GHR: variants seen among roughly 807,000 people sequenced by gnomAD.
The protein encoded by GHR is growth hormone receptor.
In GHR, 35 loss-of-function variants were observed where a neutral mutation model predicts 67.1. That is an observed-to-expected ratio of 0.52 (90% CI 0.40 to 0.69). GHR has a LOEUF of 0.69. Among genes scored for constraint, GHR ranks in the 30% least tolerant of loss-of-function variants. The pLI is 0.00. For missense variants in GHR, 792 were observed against 764.6 expected (o/e 1.04, Z -0.42); for synonymous variants, 272 against 269.1 (o/e 1.01, Z -0.10).
intron 1 of GHR, among the ~76,000 whole-genome samples, chr5:42,429,479 T>C (rs1427283874): frequency 6.6e-6 from 1 of 152,246 alleles, no homozygotes; most frequent in Non-Finnish European, 1.5e-5. Flanking sequence ...GAACATTCTA[T>C]ATCTATTAAG....
chr5:42,635,066 C>T (rs1754112015), intron 3 of GHR, among the ~76,000 whole-genome samples: 1 of 151,574 alleles, frequency 6.6e-6, no homozygotes, highest in South Asian at 2.1e-4. Flanking sequence ...ATACTGGGTT[C>T]TGACATGGAA....
chr5:42,505,261 C>T (rs1296826151), intron 1 of GHR, among the ~76,000 whole-genome samples: 4 of 150,906 alleles, frequency 2.7e-5, no homozygotes, highest in Non-Finnish European at 5.9e-5. Context: ...AATTCTATTT[C>T]TTAAACTGAG....
intron 3 of GHR, among the ~76,000 whole-genome samples, chr5:42,647,263 T>C (rs555213183): frequency 1.4e-4 from 21 of 152,106 alleles, no homozygotes; most frequent in Non-Finnish European, 2.8e-4. Context: ...ACTGAGAGCT[T>C]TGTGCAATGA....
At chr5:42,580,719 G>GT (rs979334266) in intron 2 of GHR, among the ~76,000 whole-genome samples, 3 of 152,108 alleles carry the variant, frequency 2.0e-5, no homozygotes, top group Non-Finnish European at 4.4e-5. Flanking sequence ...TCTCTAGTGT[G>GT]TTTTTCTCAA....
rs908182375 is a variant in GHR at position 42,668,054 on chromosome 5, T to C, written c.137-20836T>C. Reference sequence around the variant, plus strand: ...ATCTTCAAGGTAGATCCAAATATCATGTCATTTTTATAATTCTCACTGCAC... The same window carrying C: ...ATCTTCAAGGTAGATCCAAATATCACGTCATTTTTATAATTCTCACTGCAC... On this transcript the variant is annotated intron_variant, in intron 3 of 9. Transcript: ENST00000230882. Among the ~76,000 whole-genome samples, 9 of 152,210 alleles carry C rather than the reference T, an allele frequency of 5.9e-5. No individual in the cohort carries two copies. The East Asian group carries it at 1.7e-3, about 29-fold the overall frequency.
At chr5:42,513,847 G>A (rs1458706872) in intron 1 of GHR, among the ~76,000 whole-genome samples, 1 of 151,950 alleles carries the variant, frequency 6.6e-6, no homozygotes, top group African/African-American at 2.4e-5. Context: ...GATTATCTGT[G>A]ATGTTAGCTC....
chr5:42,466,743 G>A, intron 1 of GHR: 1 of 495,894 alleles, frequency 2.0e-6, no homozygotes. Context: ...TTTATCTTGT[G>A]TTTTGTGCTG....
At chr5:42,624,743 A>G (rs1357403718) in intron 2 of GHR, among the ~76,000 whole-genome samples, 2 of 152,210 alleles carry the variant, frequency 1.3e-5, no homozygotes, top group Non-Finnish European at 2.9e-5. Context: ...AACTTACTGA[A>G]CCTTGACCAA....
intron 2 of GHR, among the ~76,000 whole-genome samples, chr5:42,615,961 T>G (rs1264054222): frequency 6.6e-6 from 1 of 152,104 alleles, no homozygotes; most frequent in Non-Finnish European, 1.5e-5. Context: ...CTAGAATTTT[T>G]TAGAAGTCAT....
intron 8 of GHR, among the ~76,000 whole-genome samples, chr5:42,715,482 G>A (rs1355069128): frequency 6.6e-6 from 1 of 152,052 alleles, no homozygotes; most frequent in African/African-American, 2.4e-5. Flanking sequence ...GTCAACTCTA[G>A]CAAAATTTAT....
chr5:42,661,945 G>A (rs1755654791), intron 3 of GHR, among the ~76,000 whole-genome samples: 1 of 152,006 alleles, frequency 6.6e-6, no homozygotes, highest in African/African-American at 2.4e-5. Flanking sequence ...AAAAGTCAGG[G>A]GTTGCAATCC....
At chr5:42,597,263 G>A (rs1752120060) in intron 2 of GHR, among the ~76,000 whole-genome samples, 1 of 152,190 alleles carries the variant, frequency 6.6e-6, no homozygotes, top group Non-Finnish European at 1.5e-5. Context: ...AGAGACATAA[G>A]TAACCTGAAG....
intron 3 of GHR, among the ~76,000 whole-genome samples, chr5:42,665,201 G>A (rs1232264737): frequency 6.6e-6 from 1 of 152,040 alleles, no homozygotes; most frequent in African/African-American, 2.4e-5. Flanking sequence ...GATTCCTCAG[G>A]GATCTAGAAC....
intron 8 of GHR, 90 bp downstream of exon 8, chr5:42,713,609 C>A: frequency 1.3e-6 from 1 of 758,652 alleles, no homozygotes; most frequent in Non-Finnish European, 2.4e-6. Flanking sequence ...TTTTCTTTGT[C>A]AAATTATGAG....
chr5:42,559,385 A>G (rs1352270808), intron 1 of GHR, among the ~76,000 whole-genome samples: 1 of 152,146 alleles, frequency 6.6e-6, no homozygotes, highest in Non-Finnish European at 1.5e-5. Flanking sequence ...TAAAATAAAC[A>G]AATAAATAAA....
intron 3 of GHR, among the ~76,000 whole-genome samples, chr5:42,632,479 C>A (rs59189053): frequency 0.026 from 3,941 of 152,296 alleles, 158 homozygotes; most frequent in African/African-American, 0.089. Context: ...CTTGCTGTAA[C>A]CTCTTTCTTC....
chr5:42,600,918 C>CTTTTTTTTTTTTTT (rs933355797), intron 2 of GHR, among the ~76,000 whole-genome samples: 83 of 66,690 alleles, frequency 1.2e-3, no homozygotes, highest in East Asian at 3.3e-3. Flanking sequence ...TCTTTCTATT[C>CTTTTTTTTTTTTTT]TTTTTTTTTT....
intron 1 of GHR, among the ~76,000 whole-genome samples, chr5:42,496,011 GAGA>G (rs1462355477): frequency 7.2e-5 from 11 of 152,258 alleles, no homozygotes; most frequent in African/African-American, 2.4e-4. Context: ...TAACAAGAAG[GAGA>G]AGAAGAAAAT....
At chr5:42,678,212 G>T (rs1244655363) in intron 3 of GHR, among the ~76,000 whole-genome samples, 1 of 152,188 alleles carries the variant, frequency 6.6e-6, no homozygotes, top group Non-Finnish European at 1.5e-5. Flanking sequence ...GAACTCAGCA[G>T]TCTGGCACCA....
Sources: gnomAD v4.1 joint callset for allele counts (sites outside exome capture counted in the v4.1 genomes callset) on GRCh38, gnomAD v4.1.1 for gene constraint, MANE v1.5 for transcripts, NCBI Gene and HGNC (gene_info 2026-07-23, HGNC 2026-07-21) for gene names.